Variants in GPR149 observed in about 807,000 individuals in gnomAD.
The protein encoded by GPR149 is G protein-coupled receptor 149.
A neutral mutation model predicts 50.2 loss-of-function variants in GPR149; 50 were observed. The ratio of observed to expected loss-of-function variants is 1.00; its 90% CI spans 0.79 to 1.26. The LOEUF is 1.26. Among genes scored for constraint, GPR149 ranks in the 50% most tolerant of loss-of-function variants. The pLI, the probability that GPR149 is intolerant of heterozygous loss-of-function variation, is 0.00. For missense variants in GPR149, 983 were observed against 895.4 expected, an observed-to-expected ratio of 1.10 and a Z score of -1.25; for synonymous variants, 405 against 358.2, an observed-to-expected ratio of 1.13 and a Z score of -1.48.
intron 3 of GPR149, among the ~76,000 whole-genome samples, chr3:154,386,491 G>T (rs701117): frequency 0.96 from 145,666 of 152,320 alleles, 69,748 homozygotes; most frequent in East Asian, 1. Context: ...AAAGGCTGTT[G>T]GTACAGACAT....
At position 154,335,249 on chromosome 3, in the gene GPR149, A is replaced by G. The variant is rs973615635; in HGVS notation, c.*2450T>C. On this transcript the variant is annotated 3_prime_UTR_variant, in exon 4 of 4. Coordinates refer to ENST00000389740, the MANE Select transcript of GPR149 (RefSeq NM_001038705.3). ...CAATATAACTATACAAGGGTAAGGTATTTGGCTATATCACAAGATATCTAG... is the reference window on the plus strand; with the variant it reads ...CAATATAACTATACAAGGGTAAGGTGTTTGGCTATATCACAAGATATCTAG... 1.3e-5 allele frequency: 2 copies of G among 152,196 alleles called. No individual in the cohort carries two copies. The highest frequency in any genetic ancestry group is 4.8e-5 in the African/African-American group (2 of 41,470). 9.4% of individuals were successfully genotyped at this position (152,196 alleles called of 1,614,324 possible).
intron 3 of GPR149, among the ~76,000 whole-genome samples, chr3:154,406,746 GTTAC>G (rs1202682140): frequency 6.6e-6 from 1 of 152,158 alleles, no homozygotes; most frequent in Non-Finnish European, 1.5e-5. Context: ...TATATGAGTG[GTTAC>G]TTACAGAAGG....
intron 3 of GPR149, among the ~76,000 whole-genome samples, chr3:154,411,813 G>C (rs1157283843): frequency 1.3e-5 from 2 of 152,028 alleles, no homozygotes; most frequent in African/African-American, 2.4e-5. Context: ...TATTCCAAAA[G>C]ATAGAGAAAG....
chr3:154,350,965 G>A (rs2108388911), intron 3 of GPR149, among the ~76,000 whole-genome samples: 1 of 152,038 alleles, frequency 6.6e-6, no homozygotes, highest in Admixed American at 6.5e-5. Context: ...ATTGTTTAGG[G>A]AATACTGACA....
In GPR149 at chr3:154,428,821, C is replaced by G. The variant is rs777291427; in HGVS notation, c.795G>C (p.Gly265=). ...DAPGPSLRRS[G]GCSPSSDTVF... ...CGGTGTCGGAGCTCGGAGAGCATCC[C>G]CCAGAGCGCCGCAGACTCGGGCCTG... Residue 265 remains glycine (G), a synonymous_variant, in exon 1 of 4, where the codon GGG becomes GGC. Transcript: ENST00000389740. 4 of 1,613,770 alleles carry G rather than the reference C, an allele frequency of 2.5e-6. No homozygotes were observed. In the East Asian group the frequency reaches 6.7e-5, roughly 27 times the overall value.
chr3:154,370,518 G>A (rs1198252776), intron 3 of GPR149, among the ~76,000 whole-genome samples: 1 of 152,114 alleles, frequency 6.6e-6, no homozygotes, highest in African/African-American at 2.4e-5. Flanking sequence ...TGTCCAATAT[G>A]CCAAGAAGGT....
intron 3 of GPR149, among the ~76,000 whole-genome samples, chr3:154,386,459 G>A (rs550689599): frequency 1.3e-5 from 2 of 152,344 alleles, no homozygotes; most frequent in Admixed American, 1.3e-4. Context: ...CTGTCTCATA[G>A]TGTGACTCTG....
At chr3:154,374,349 A>C (rs1330501699) in intron 3 of GPR149, among the ~76,000 whole-genome samples, 2 of 151,128 alleles carry the variant, frequency 1.3e-5, no homozygotes. Flanking sequence ...TAATTTTTGT[A>C]TTTTTGTAAA....
At chr3:154,368,844 C>T (rs756566709) in intron 3 of GPR149, among the ~76,000 whole-genome samples, 57 of 152,306 alleles carry the variant, frequency 3.7e-4, no homozygotes, top group South Asian at 8.3e-4. Flanking sequence ...GCCAGGCCCA[C>T]GTAAATTGGG....
intron 3 of GPR149, among the ~76,000 whole-genome samples, chr3:154,419,961 T>C (rs955594332): frequency 9.2e-5 from 14 of 152,056 alleles, no homozygotes; most frequent in African/African-American, 2.7e-4. Flanking sequence ...TGCACAATTG[T>C]CTCTTTGTAT....
At chr3:154,408,465 C>T (rs753426618) in intron 3 of GPR149, among the ~76,000 whole-genome samples, 8 of 152,160 alleles carry the variant, frequency 5.3e-5, no homozygotes, top group South Asian at 2.1e-4. Context: ...TGGAAATAGA[C>T]GCAAGGCTGT....
Position 154,427,509 on chromosome 3 carries a change from G to GACTT in GPR149, c.1174+3_1174+6dup. The GACTT allele has an allele frequency of 6.2e-7, 1 of 1,600,370 alleles. No individual in the cohort carries two copies. ...TGCTGCCAATCACTGCAGTGTTGAGGACTTACTTTTTTTCCCATCGGACGC... is the reference window on the plus strand; with the variant it reads ...TGCTGCCAATCACTGCAGTGTTGAGGACTTACTTACTTTTTTTCCCATCGGACGC... On this transcript the variant is annotated splice_region_variant and intron_variant, in intron 2 of 3. Transcript: ENST00000389740.
chr3:154,364,498 C>G (rs750220792), intron 3 of GPR149, among the ~76,000 whole-genome samples: 4 of 152,118 alleles, frequency 2.6e-5, no homozygotes, highest in Non-Finnish European at 1.5e-5. Context: ...TCATCTCAGG[C>G]AAATTACTCT....
intron 3 of GPR149, among the ~76,000 whole-genome samples, chr3:154,414,116 T>G (rs1234533650): frequency 1.3e-5 from 2 of 151,896 alleles, no homozygotes; most frequent in African/African-American, 4.8e-5. Flanking sequence ...GCCATGAGGA[T>G]GCAAAGGTGT....
intron 3 of GPR149, among the ~76,000 whole-genome samples, chr3:154,339,717 T>C (rs1453917173): frequency 2.6e-5 from 4 of 152,066 alleles, no homozygotes; most frequent in Non-Finnish European, 4.4e-5. Flanking sequence ...TTTAGATTAT[T>C]TTCTGTTTAA....
chr3:154,374,664 G>A (rs576877800), intron 3 of GPR149, among the ~76,000 whole-genome samples: 2 of 152,222 alleles, frequency 1.3e-5, no homozygotes, highest in East Asian at 3.9e-4. Context: ...AAATTTATTT[G>A]GGTTATAATA....
chr3:154,374,685 G>C (rs701126), intron 3 of GPR149, among the ~76,000 whole-genome samples: 103,717 of 152,100 alleles, frequency 0.68, 36,419 homozygotes, highest in Non-Finnish European at 0.78. Flanking sequence ...TGGGTCCAAA[G>C]GGCATATATA....
chr3:154,429,090 C>G lies in GPR149; in HGVS notation c.526G>C (p.Val176Leu). The G allele has an allele frequency of 1.9e-6, 3 of 1,613,680 alleles. No homozygotes were observed. The highest frequency in any genetic ancestry group is 2.5e-6 in the Non-Finnish European group (3 of 1,179,928). The change falls in exon 1 of 4, where the codon GTG becomes CTG. Residue 176 changes from valine to leucine, a missense_variant. Transcript: ENST00000389740. ...ACCAGGCAGCCCCAGGGCGTGCGCA[C>G]GAAGGCGCCCCAGCCGCACAGCGGG... ...ALPLCGWGAF[V>L]RTPWGCLVDC...
Position 154,361,806 on chromosome 3 carries a change from AG to A in GPR149, c.1624-23536del, listed in dbSNP as rs914663841. Reference sequence around the variant, plus strand: ...ACTGATTGAACCTATTTGTTCTTCCAGGGTCCAGACCTCTAATCTTTATTCT... The same window carrying A: ...ACTGATTGAACCTATTTGTTCTTCCAGGTCCAGACCTCTAATCTTTATTCT... On this transcript the variant is annotated intron_variant, in intron 3 of 3. Coordinates refer to ENST00000389740, the MANE Select transcript of GPR149 (RefSeq NM_001038705.3). Among the ~76,000 whole-genome samples, 6 of 152,322 alleles carry A rather than the reference AG, an allele frequency of 3.9e-5. No homozygotes were observed. In the East Asian group the frequency reaches 7.7e-4, roughly 20 times the overall value.
Sources: gnomAD v4.1 joint callset for allele counts (sites outside exome capture counted in the v4.1 genomes callset) on GRCh38, gnomAD v4.1.1 for gene constraint, MANE v1.5 for transcripts, NCBI Gene and HGNC (gene_info 2026-07-23, HGNC 2026-07-21) for gene names.